TXNDC2: variants seen among roughly 807,000 people sequenced by gnomAD.
TXNDC2 encodes thioredoxin domain-containing protein 2.
Under a neutral mutation model 0.4 loss-of-function variants are expected in TXNDC2, and 1 was observed. That is an observed-to-expected ratio of 2.30 (90% confidence interval 0.82 to 10.89). The LOEUF (loss-of-function observed/expected upper bound fraction) is 10.89. TXNDC2 is among the 30% of genes most tolerant of loss of function. The probability of loss-of-function intolerance (pLI) is 0.12; values close to 1 mark genes in which losing one functional copy is unlikely to be tolerated. For missense variants in TXNDC2, 509 were observed against 579.8 expected (o/e 0.88, Z 1.25); for synonymous variants, 183 against 224.6 (o/e 0.81, Z 1.66).
rs1356342936 is a variant in TXNDC2, at chr18:9,888,187, T to G, written c.*46T>G. The G allele has an allele frequency of 6.9e-7, 1 of 1,440,656 alleles. No homozygotes were observed. The highest frequency in any genetic ancestry group is 2.5e-5 in the East Asian group (1 of 40,750). 89.2% of individuals were successfully genotyped at this position (1,440,656 alleles called of 1,614,324 possible). On this transcript the variant is annotated 3_prime_UTR_variant, in exon 2 of 2. Coordinates refer to ENST00000357775, the MANE Select transcript of TXNDC2 (RefSeq NM_032243.6). Reference sequence around the variant, plus strand: ...GCAGACAGTCAGGTGTTTATAGCTTTTGAGTTCTCTTTTATTATTTACACA... The same window carrying G: ...GCAGACAGTCAGGTGTTTATAGCTTGTGAGTTCTCTTTTATTATTTACACA...
At position 9,886,781 on chromosome 18, in the gene TXNDC2, A is replaced by G. The variant is rs924148333; in HGVS notation, c.101A>G (p.Gln34Arg). 3 of 1,613,954 alleles carry G rather than the reference A, an allele frequency of 1.9e-6. No homozygotes were observed. The African/African-American group carries it at 4.0e-5, about 22-fold the overall frequency. The change falls in exon 2 of 2, where the codon CAG (glutamine) becomes CGG (arginine). Residue 34 changes from glutamine to arginine, a missense_variant. By Grantham distance (43) the Gln-to-Arg change is conservative. This residue lies in a region of TXNDC2 where 187 missense variants were observed against 218.0 expected (regional missense o/e 0.86). Transcript: ENST00000357775. Reference protein sequence around the residue: ...KSSANTSHPKQDDSPKSSEET... With the variant: ...KSSANTSHPKRDDSPKSSEET... ...TCAGCAAACACCAGCCATCCCAAGC[A>G]GGATGACAGCCCCAAGTCCTCAGAA... is the stretch of plus-strand genomic sequence containing the variant.
rs771939779 is a variant in TXNDC2 at position 9,887,602 on chromosome 18, C to T, written c.922C>T (p.Pro308Ser). Reference protein sequence around the residue: ...EAIQPKEGDIPKSPKQAIQPK... With the variant: ...EAIQPKEGDISKSPKQAIQPK... Reference sequence around the variant, plus strand: ...CATCCAGCCCAAGGAGGGTGACATTCCCAAGTCTCCAAAACAAGCCATCCA... The same window carrying T: ...CATCCAGCCCAAGGAGGGTGACATTTCCAAGTCTCCAAAACAAGCCATCCA... Residue 308 changes from proline to serine, a missense_variant, in exon 2 of 2, where the codon CCC (proline) becomes TCC (serine). Pro to Ser is a moderately conservative substitution (Grantham distance 74). Around this residue, in one of 5 missense-constraint regions of TXNDC2, gnomAD observed 229 missense variants for 243.8 expected, o/e 0.94. Coordinates refer to ENST00000357775, the MANE Select transcript of TXNDC2 (RefSeq NM_032243.6). 2.7e-5 allele frequency: 44 copies of T among 1,604,026 alleles called. No individual in the cohort carries two copies. The Middle Eastern group carries it at 4.9e-4, about 18-fold the overall frequency.
In TXNDC2 at chr18:9,886,572, TATG is replaced by T. The variant is rs745505786; in HGVS notation, c.-92-16_-92-14del. 1.4e-4 allele frequency: 54 copies of T among 395,406 alleles called. No individual in the cohort carries two copies. In the East Asian group the frequency reaches 8.7e-3, roughly 64 times the overall value. The allele number at this position is 395,406 out of a possible 1,614,324, so 24.5% of individuals were successfully genotyped here. A position where few individuals can be genotyped will look rare whatever the true frequency, so the allele number is the denominator to read the frequency against. On this transcript the variant is annotated splice_polypyrimidine_tract_variant and intron_variant, in intron 1 of 1. Coordinates refer to ENST00000357775, the MANE Select transcript of TXNDC2 (RefSeq NM_032243.6). ...TGATTTATTTTATTTTATTTTATTT[TATG>T]TTTTTTGGTACAGAAAGCTCATTAC... is the stretch of plus-strand genomic sequence containing the variant.
In TXNDC2 at chr18:9,888,086, A is replaced by G. The variant is rs2068973080; in HGVS notation, c.1406A>G (p.Glu469Gly). The change falls in exon 2 of 2, where the codon GAA (glutamate) becomes GGA (glycine). Residue 469 changes from glutamate (E) to glycine (G), a missense_variant. Glu to Gly is a moderately conservative substitution (Grantham distance 98). Around this residue, in one of 5 missense-constraint regions of TXNDC2, gnomAD observed 229 missense variants for 243.8 expected, o/e 0.94. Coordinates refer to ENST00000357775, the MANE Select transcript of TXNDC2 (RefSeq NM_032243.6). ...TATAAAAAAGAAGAAAAGGTGGATG[A>G]ACTTTGCGGCGCCCTTAAGGAAAAA... The part of the protein sequence containing the change: ...QFYKKEEKVD[E>G]LCGALKEKLE... 2 of 1,614,018 alleles carry G rather than the reference A, an allele frequency of 1.2e-6. No individual in the cohort carries two copies. Among genetic ancestry groups the G allele is most frequent in the Non-Finnish European group, 1.7e-6 (2 of 1,179,990 alleles).
rs1411131536 is a variant in TXNDC2 at position 9,888,942 on chromosome 18, A to G, written c.*801A>G. On this transcript the variant is annotated 3_prime_UTR_variant, in exon 2 of 2. Coordinates refer to ENST00000357775, the MANE Select transcript of TXNDC2 (RefSeq NM_032243.6). ...AATTTGTTCTTATTTTCAATATTGA[A>G]CAAGCCAGCCTTTAACATGACTCTA... The G allele has an allele frequency of 6.6e-6, 1 of 152,092 alleles. No individual in the cohort carries two copies. The highest frequency in any genetic ancestry group is 3.2e-3 in the Middle Eastern group (1 of 316). 9.4% of individuals were successfully genotyped at this position (152,092 alleles called of 1,614,324 possible).
In TXNDC2 at chr18:9,886,753, T is replaced by A. The variant is rs1389798531; in HGVS notation, c.73T>A (p.Ser25Thr). Reference sequence around the variant, plus strand: ...ACAGGAGGGCGATGACCTACCCAAGTCCTCAGCAAACACCAGCCATCCCAA... The same window carrying A: ...ACAGGAGGGCGATGACCTACCCAAGACCTCAGCAAACACCAGCCATCCCAA... ...ASQEGDDLPK[S>T]SANTSHPKQD... The change falls in exon 2 of 2, where the codon TCC (serine) becomes ACC (threonine). Residue 25 changes from serine (S) to threonine (T), a missense_variant. Around this residue, in one of 5 missense-constraint regions of TXNDC2, gnomAD observed 187 missense variants for 218.0 expected, o/e 0.86. Coordinates refer to ENST00000357775, the MANE Select transcript of TXNDC2 (RefSeq NM_032243.6). 2 of 1,613,930 alleles carry A rather than the reference T, an allele frequency of 1.2e-6. No homozygotes were observed. Among genetic ancestry groups the A allele is most frequent in the Non-Finnish European group, 1.7e-6 (2 of 1,179,984 alleles).
At position 9,886,965 on chromosome 18, in the gene TXNDC2, C is replaced by A. The variant is rs781032302; in HGVS notation, c.285C>A (p.Gly95=). The change falls in exon 2 of 2, where the codon GGC becomes GGA. Residue 95 remains glycine, a synonymous_variant. Coordinates refer to ENST00000357775, the MANE Select transcript of TXNDC2 (RefSeq NM_032243.6). ...SSAKPIQPKL[G]NIPKASVKPS... is the part of the protein sequence containing the mutation. ...CAAAACCCATCCAGCCCAAGCTGGG[C>A]AATATTCCCAAGGCCTCAGTGAAGC... 5.0e-6 allele frequency: 8 copies of A among 1,609,524 alleles called. No individual in the cohort carries two copies. The highest frequency in any genetic ancestry group is 5.9e-6 in the Non-Finnish European group (7 of 1,178,396).
At chr18:9,886,445 A>C in intron 1 of TXNDC2, 144 bp from the exon 2 acceptor site, 2 of 951,584 alleles carry the variant, frequency 2.1e-6, no homozygotes, top group South Asian at 3.6e-5. Flanking sequence ...TTTTCAGATT[A>C]ATACATCATT....
chr18:9,886,184 G>A, intron 1 of TXNDC2, 104 bp downstream of exon 1: 2 of 1,613,982 alleles, frequency 1.2e-6, no homozygotes, highest in Non-Finnish European at 1.7e-6. Flanking sequence ...AATGGATGTA[G>A]ACAAGGAACT....
intron 1 of TXNDC2, 49 bp downstream of exon 1, chr18:9,886,129 T>C (rs2068947248): frequency 6.6e-7 from 1 of 1,521,822 alleles, no homozygotes. Context: ...TTGGAAAAAG[T>C]TGGAGGGTAC....
Position 9,889,251 on chromosome 18 carries a change from ATTAACACC to A in TXNDC2, c.*1113_*1120del, listed in dbSNP as rs1730454101. The A allele has an allele frequency of 6.6e-6, 1 of 152,226 alleles. No homozygotes were observed. The highest frequency in any genetic ancestry group is 6.5e-5 in the Admixed American group (1 of 15,288). The allele number at this position is 152,226 out of a possible 1,614,324, so 9.4% of individuals were successfully genotyped here. ...GATTGCCATCTCCACCATCAAAGTAATTAACACCTTCATTGCCTCCAGAAGTTTCCTTG... is the reference window on the plus strand; with the variant it reads ...GATTGCCATCTCCACCATCAAAGTAATTCATTGCCTCCAGAAGTTTCCTTG... On this transcript the variant is annotated 3_prime_UTR_variant, in exon 2 of 2. Transcript: ENST00000357775.
In TXNDC2 at chr18:9,889,012, C is replaced by A. The variant is rs2068978460; in HGVS notation, c.*871C>A. The A allele has an allele frequency of 6.6e-6, 1 of 152,198 alleles. No individual in the cohort carries two copies. The highest frequency in any genetic ancestry group is 1.5e-5 in the Non-Finnish European group (1 of 68,052). 9.4% of individuals were successfully genotyped at this position (152,198 alleles called of 1,614,324 possible). Reference sequence around the variant, plus strand: ...CTAGACTTTAATGAATTAACCTAATCACAGTGCTACCAGAGTCTTGTTTGG... The same window carrying A: ...CTAGACTTTAATGAATTAACCTAATAACAGTGCTACCAGAGTCTTGTTTGG... On this transcript the variant is annotated 3_prime_UTR_variant, in exon 2 of 2. Transcript: ENST00000357775.
At position 9,889,029 on chromosome 18, in the gene TXNDC2, C is replaced by T. The variant is rs75675659; in HGVS notation, c.*888C>T. ...AACCTAATCACAGTGCTACCAGAGT[C>T]TTGTTTGGACAACTTAGTGAGCCCC... On this transcript the variant is annotated 3_prime_UTR_variant, in exon 2 of 2. Transcript: ENST00000357775. The T allele has an allele frequency of 3.9e-5, 6 of 152,342 alleles. No individual in the cohort carries two copies. Among genetic ancestry groups the T allele is most frequent in the African/African-American group, 1.4e-4 (6 of 41,578 alleles). The allele number at this position is 152,342 out of a possible 1,614,324, so 9.4% of individuals were successfully genotyped here. A position where few individuals can be genotyped will look rare whatever the true frequency, so the allele number is the denominator to read the frequency against.
Position 9,888,311 on chromosome 18 carries a change from T to G in TXNDC2, c.*170T>G. On this transcript the variant is annotated 3_prime_UTR_variant, in exon 2 of 2. Coordinates refer to ENST00000357775, the MANE Select transcript of TXNDC2 (RefSeq NM_032243.6). ...TCAAAAAACAGTCCAAGCATTAAAG[T>G]ACATTGCGACTGTGTTTCTGTTAGT... 1 of 576,214 alleles carries G rather than the reference T, an allele frequency of 1.7e-6. No individual in the cohort carries two copies. The highest frequency in any genetic ancestry group is 2.9e-5 in the South Asian group (1 of 34,024). 35.7% of individuals were successfully genotyped at this position (576,214 alleles called of 1,614,324 possible).
Position 9,887,591 on chromosome 18 carries a change from A to C in TXNDC2, c.911A>C (p.Glu304Ala). The change falls in exon 2 of 2, where the codon GAG becomes GCG. Residue 304 changes from glutamate to alanine, a missense_variant. Transcript: ENST00000357775. ...KSPEEAIQPK[E>A]GDIPKSPKQA... The stretch of plus-strand genomic sequence containing the variant: ...CCAGAAGAAGCCATCCAGCCCAAGG[A>C]GGGTGACATTCCCAAGTCTCCAAAA... 1 of 1,603,152 alleles carries C rather than the reference A, an allele frequency of 6.2e-7. No homozygotes were observed. Among genetic ancestry groups the C allele is most frequent in the East Asian group, 2.3e-5 (1 of 43,582 alleles).
rs752088856 is a variant in TXNDC2 at position 9,888,185 on chromosome 18, T to A, written c.*44T>A. The A allele has an allele frequency of 3.3e-5, 48 of 1,450,560 alleles. No individual in the cohort carries two copies. Among genetic ancestry groups the A allele is most frequent in the Middle Eastern group, 4.1e-4 (2 of 4,910 alleles). The allele number at this position is 1,450,560 out of a possible 1,614,324, so 89.9% of individuals were successfully genotyped here. A position where few individuals can be genotyped will look rare whatever the true frequency, so the allele number is the denominator to read the frequency against. ...TTGCAGACAGTCAGGTGTTTATAGC[T>A]TTTGAGTTCTCTTTTATTATTTACA... On this transcript the variant is annotated 3_prime_UTR_variant, in exon 2 of 2. Transcript: ENST00000357775.
rs150717675 is a variant in TXNDC2 at position 9,888,417 on chromosome 18, T to G, written c.*276T>G. The G allele has an allele frequency of 7.3e-5, 24 of 327,808 alleles. No homozygotes were observed. Among genetic ancestry groups the G allele is most frequent in the African/African-American group, 4.8e-4 (23 of 47,558 alleles). The allele number at this position is 327,808 out of a possible 1,614,324, so 20.3% of individuals were successfully genotyped here. ...CCTATTTTTCAATCTTGATATGTAT[T>G]TATTTTTCACTTGTCTTTGAAAATT... On this transcript the variant is annotated 3_prime_UTR_variant, in exon 2 of 2. Transcript: ENST00000357775.
At chr18:9,886,342 G>C (rs1486916320) in intron 1 of TXNDC2, 2 of 1,468,340 alleles carry the variant, frequency 1.4e-6, no homozygotes, top group Non-Finnish European at 1.9e-6. Context: ...GAGCGGGCAG[G>C]GTGTTGAACC....
chr18:9,887,770 G>A lies in TXNDC2; in HGVS notation c.1090G>A (p.Glu364Lys). The change falls in exon 2 of 2, where the codon GAG becomes AAG. Residue 364 changes from glutamate to lysine, a missense_variant. Physicochemically the swap from Glu to Lys is moderately conservative, Grantham distance 56. Transcript: ENST00000357775. ...CCTAGAAGAAGCCACCCCATCCAAG[G>A]AGGGTGACATCCTAAAGCCTGAAGA... ...KSLEEATPSK[E>K]GDILKPEEET... The A allele has an allele frequency of 6.2e-7, 1 of 1,613,848 alleles. No individual in the cohort carries two copies. Among genetic ancestry groups the A allele is most frequent in the Non-Finnish European group, 8.5e-7 (1 of 1,179,856 alleles).
Sources: allele counts gnomAD v4.1 joint callset, GRCh38; gene constraint gnomAD v4.1.1; regional missense constraint gnomAD v4.1.1; transcripts MANE v1.5; gene names NCBI Gene and HGNC (gene_info 2026-07-23, HGNC 2026-07-21).